The following CLNK variants were observed in gnomAD, a reference collection of about 807,000 sequenced individuals.
CLNK encodes the protein cytokine dependent hematopoietic cell linker, also known as cytokine-dependent hematopoietic cell linker.
A neutral mutation model predicts 68.6 loss-of-function variants in CLNK; 74 were observed. That is an observed-to-expected ratio of 1.08 (90% CI 0.89 to 1.31). The LOEUF is 1.31. CLNK is among the 50% of genes most tolerant of loss of function. The probability of loss-of-function intolerance (pLI) is 0.00; values close to 1 mark genes in which losing one functional copy is unlikely to be tolerated. For missense variants in CLNK, 553 were observed against 515.3 expected (o/e 1.07, Z -0.71); for synonymous variants, 198 against 172.2 (o/e 1.15, Z -1.17).
At chr4:10,654,393 A>ATATATATATATATATG (rs1408561335) in intron 2 of CLNK, among the ~76,000 whole-genome samples, 13 of 133,854 alleles carry the variant, frequency 9.7e-5, no homozygotes, top group Non-Finnish European at 5.1e-5. Context: ...AAATATATAT[A>ATATATATATATATATG]TATATATATA....
At chr4:10,649,629 C>T (rs1723649326) in intron 2 of CLNK, among the ~76,000 whole-genome samples, 1 of 152,158 alleles carries the variant, frequency 6.6e-6, no homozygotes, top group Admixed American at 6.6e-5. Flanking sequence ...AATAAGCCTA[C>T]CTCTCTACTC....
chr4:10,683,595 C>T (rs1437302500), intron 1 of CLNK, among the ~76,000 whole-genome samples: 1 of 152,140 alleles, frequency 6.6e-6, no homozygotes, highest in Non-Finnish European at 1.5e-5. Flanking sequence ...CACCTGTAAA[C>T]CAGGGAAAGT....
intron 2 of CLNK, among the ~76,000 whole-genome samples, chr4:10,617,543 G>A (rs894893971): frequency 2.6e-5 from 4 of 152,140 alleles, no homozygotes; most frequent in Non-Finnish European, 4.4e-5. Context: ...CTAGACACTT[G>A]GTAGTTATGC....
chr4:10,704,863 C>T, the CLNK span, among the ~76,000 whole-genome samples: 1 of 152,190 alleles, frequency 6.6e-6, no homozygotes, highest in Non-Finnish European at 1.5e-5. Flanking sequence ...GTTTGCAGCA[C>T]ATGTTAATCA....
At chr4:10,546,072 C>T (rs1719218954) in intron 8 of CLNK, among the ~76,000 whole-genome samples, 1 of 152,118 alleles carries the variant, frequency 6.6e-6, no homozygotes, top group African/African-American at 2.4e-5. Flanking sequence ...TGTGAAACAC[C>T]TTTGGGGTCC....
the CLNK span, among the ~76,000 whole-genome samples, chr4:10,724,795 T>G: frequency 2.0e-5 from 3 of 152,224 alleles, no homozygotes; most frequent in Non-Finnish European, 2.9e-5. Context: ...CCCATTGTTT[T>G]ATTGCTAATC....
At position 10,508,052 on chromosome 4, in the gene CLNK, A is replaced by G. The variant is rs774962191; in HGVS notation, c.907-16T>C. ...GCTGGACATCCTGCAGAACAGAATC[A>G]ATGATAAATATTTTAGGGTCAATGG... is the stretch of plus-strand genomic sequence containing the variant. On this transcript the variant is annotated splice_polypyrimidine_tract_variant and intron_variant, in intron 16 of 18. Coordinates refer to ENST00000226951, the MANE Select transcript of CLNK (RefSeq NM_052964.4). The G allele has an allele frequency of 6.3e-7, 1 of 1,588,854 alleles. No individual in the cohort carries two copies. Among genetic ancestry groups the G allele is most frequent in the Non-Finnish European group, 8.6e-7 (1 of 1,166,280 alleles).
At chr4:10,567,249 T>C (rs1433818337) in intron 5 of CLNK, among the ~76,000 whole-genome samples, 1 of 151,982 alleles carries the variant, frequency 6.6e-6, no homozygotes, top group Non-Finnish European at 1.5e-5. Context: ...GTGCGGATAA[T>C]TGGAATATAA....
chr4:10,668,909 A>G (rs1045067440), intron 1 of CLNK, among the ~76,000 whole-genome samples: 19 of 152,186 alleles, frequency 1.2e-4, no homozygotes, highest in African/African-American at 4.6e-4. Flanking sequence ...ATATGGTTTT[A>G]TATCTATCAG....
At position 10,531,689 on chromosome 4, in the gene CLNK, C is replaced by T. The variant is rs183853596; in HGVS notation, c.630+567G>A. The T allele has an allele frequency of 2.0e-5, 9 of 456,202 alleles. 1 individual carries two copies. Among genetic ancestry groups the T allele is most frequent in the African/African-American group, 1.8e-4 (9 of 50,172 alleles). 28.3% of individuals were successfully genotyped at this position (456,202 alleles called of 1,614,324 possible). A position where few individuals can be genotyped will look rare whatever the true frequency, so the allele number is the denominator to read the frequency against. The stretch of plus-strand genomic sequence containing the variant: ...CCCCTGACCTCAGGTGATCCGCCCA[C>T]CTCGGCCTCCCAAAGTGCTGGGATT... On this transcript the variant is annotated intron_variant, in intron 12 of 18. Transcript: ENST00000226951.
chr4:10,625,025 C>A (rs563339378), intron 2 of CLNK, among the ~76,000 whole-genome samples: 1 of 152,138 alleles, frequency 6.6e-6, no homozygotes, highest in African/African-American at 2.4e-5. Context: ...TTTTACTGGG[C>A]AGTAGAATAA....
chr4:10,550,332 A>G (rs769169019), intron 8 of CLNK, among the ~76,000 whole-genome samples: 38 of 152,090 alleles, frequency 2.5e-4, no homozygotes, highest in Non-Finnish European at 4.9e-4. Flanking sequence ...TCTCTACTAA[A>G]AAATACAACA....
the CLNK span, among the ~76,000 whole-genome samples, chr4:10,719,867 C>T: frequency 6.6e-6 from 1 of 152,100 alleles, no homozygotes; most frequent in South Asian, 2.1e-4. Flanking sequence ...CATACAGAGC[C>T]AATGTGGAAT....
At chr4:10,511,146 G>A (rs564671564) in intron 16 of CLNK, among the ~76,000 whole-genome samples, 5 of 151,728 alleles carry the variant, frequency 3.3e-5, no homozygotes, top group East Asian at 3.9e-4. Context: ...CAAAAAGAGC[G>A]GAAACTCTGT....
At chr4:10,730,048 A>C in the CLNK span, among the ~76,000 whole-genome samples, 1 of 152,204 alleles carries the variant, frequency 6.6e-6, no homozygotes, top group African/African-American at 2.4e-5. Context: ...TGAGTAGCAC[A>C]ATGTGAGGTG....
chr4:10,636,478 G>A (rs1204423304), intron 2 of CLNK, among the ~76,000 whole-genome samples: 2 of 152,178 alleles, frequency 1.3e-5, no homozygotes, highest in African/African-American at 4.8e-5. Context: ...TCAGACTTTG[G>A]CCTCCTGATT....
At chr4:10,536,097 ACACAATAGCTGGAAC>A (rs1393470061) in intron 11 of CLNK, among the ~76,000 whole-genome samples, 1 of 152,192 alleles carries the variant, frequency 6.6e-6, no homozygotes, top group East Asian at 1.9e-4. Flanking sequence ...GGGGCCTGAA[ACACAATAGCTGGAAC>A]CACAAAGACC....
chr4:10,529,084 A>C (rs561971240), intron 12 of CLNK, among the ~76,000 whole-genome samples: 1 of 152,292 alleles, frequency 6.6e-6, no homozygotes, highest in East Asian at 1.9e-4. Context: ...AATTTTATGA[A>C]GTCCATTTAT....
intron 8 of CLNK, among the ~76,000 whole-genome samples, chr4:10,548,595 A>T (rs551601481): frequency 6.6e-6 from 1 of 152,272 alleles, no homozygotes; most frequent in African/African-American, 2.4e-5. Flanking sequence ...AATGCCAAGG[A>T]TCTTTTCCCT....
Sources: allele counts gnomAD v4.1 joint callset (sites outside exome capture counted in the v4.1 genomes callset), GRCh38; gene constraint gnomAD v4.1.1; transcripts MANE v1.5; gene names NCBI Gene and HGNC (gene_info 2026-07-23, HGNC 2026-07-21).